The following RIT2 variants were observed in gnomAD, a reference collection of about 807,000 sequenced individuals.
RIT2 encodes Ras like without CAAX 2.
In RIT2, 24 loss-of-function variants were observed where a neutral mutation model predicts 23.7. That is an observed-to-expected ratio of 1.01 (90% CI 0.73 to 1.43). RIT2 has a LOEUF of 1.43. Among genes scored for constraint, RIT2 ranks in the 40% most tolerant of loss-of-function variants. The probability of loss-of-function intolerance (pLI) is 0.00; values close to 1 mark genes in which losing one functional copy is unlikely to be tolerated. For missense variants in RIT2, 236 were observed against 266.9 expected (o/e 0.88, Z 0.81); for synonymous variants, 107 against 91.1 (o/e 1.17, Z -0.99).
At chr18:42,857,502 C>T (rs897757776) in intron 4 of RIT2, among the ~76,000 whole-genome samples, 3 of 152,136 alleles carry the variant, frequency 2.0e-5, no homozygotes, top group Non-Finnish European at 4.4e-5. Context: ...TAATTGGATA[C>T]ACAAACAATT....
intron 4 of RIT2, among the ~76,000 whole-genome samples, chr18:42,902,984 G>C (rs1308399038): frequency 2.0e-5 from 3 of 151,720 alleles, no homozygotes; most frequent in Non-Finnish European, 4.4e-5. Context: ...TAAAATGACA[G>C]AAGATGAAGG....
chr18:42,889,649 G>A (rs1362196064), intron 4 of RIT2, among the ~76,000 whole-genome samples: 1 of 151,862 alleles, frequency 6.6e-6, no homozygotes, highest in Non-Finnish European at 1.5e-5. Flanking sequence ...ATGCCTTAAA[G>A]CTAAGGAGAA....
chr18:42,978,547 A>G (rs1053458273), intron 2 of RIT2, among the ~76,000 whole-genome samples: 6 of 152,082 alleles, frequency 3.9e-5, no homozygotes, highest in Admixed American at 3.9e-4. Flanking sequence ...TATAGACCCA[A>G]TCCTGAAGTG....
In RIT2 at chr18:42,803,250, T is replaced by C. The variant is rs542348146; in HGVS notation, c.427-59530A>G. On this transcript the variant is annotated intron_variant, in intron 4 of 4. Coordinates refer to ENST00000326695, the MANE Select transcript of RIT2 (RefSeq NM_002930.4). ...GCTTCTTTTGTTAAATTAAACTGAA[T>C]ATGCCAAATTTTCTCAGTCTCATAT... 5.3e-5 allele frequency among the ~76,000 whole-genome samples: 8 copies of C among 152,350 alleles called. No homozygotes were observed. In the South Asian group the frequency reaches 1.7e-3, roughly 32 times the overall value.
At chr18:43,051,847 G>A (rs1362556701) in intron 1 of RIT2, among the ~76,000 whole-genome samples, 1 of 152,044 alleles carries the variant, frequency 6.6e-6, no homozygotes, top group Non-Finnish European at 1.5e-5. Flanking sequence ...AACTTGTTAT[G>A]GAGACCTCTC....
chr18:43,006,293 A>T (rs1397920321), intron 2 of RIT2, among the ~76,000 whole-genome samples: 1 of 151,634 alleles, frequency 6.6e-6, no homozygotes, highest in East Asian at 1.9e-4. Flanking sequence ...AATATAAGTA[A>T]GTAGAAGAAG....
chr18:42,966,060 T>C (rs1024073615), intron 3 of RIT2, among the ~76,000 whole-genome samples: 1 of 152,126 alleles, frequency 6.6e-6, no homozygotes, highest in African/African-American at 2.4e-5. Context: ...TCTTTATTAG[T>C]AAACTGAAGA....
intron 4 of RIT2, among the ~76,000 whole-genome samples, chr18:42,880,804 CTTTTTTTT>C (rs397966126): frequency 9.5e-5 from 11 of 115,558 alleles, no homozygotes; most frequent in African/African-American, 3.8e-4. Context: ...CTTCCTACCT[CTTTTTTTT>C]TTTTTTTTTT....
Position 43,061,759 on chromosome 18 carries a change from C to T in RIT2, c.104-27892G>A, listed in dbSNP as rs1250375108. ...CAGAAGGAAACCCACTTTCAGGTTC[C>T]CTCTCCCTGCTGAGAGCTAGCTTTC... On this transcript the variant is annotated intron_variant, in intron 1 of 4. Transcript: ENST00000326695. Among the ~76,000 whole-genome samples, 4 of 152,178 alleles carry T rather than the reference C, an allele frequency of 2.6e-5. No homozygotes were observed. The East Asian group carries it at 7.7e-4, about 29-fold the overall frequency.
chr18:42,986,911 T>C (rs1910722543), intron 2 of RIT2, among the ~76,000 whole-genome samples: 2 of 152,304 alleles, frequency 1.3e-5, no homozygotes, highest in South Asian at 2.1e-4. Context: ...AAAACAATGA[T>C]AATGATACAA....
At chr18:43,071,480 G>A (rs1212709895) in intron 1 of RIT2, among the ~76,000 whole-genome samples, 1 of 152,126 alleles carries the variant, frequency 6.6e-6, no homozygotes, top group Admixed American at 6.5e-5. Flanking sequence ...CTGATTGACA[G>A]TTGGCATTTT....
At chr18:43,109,970 C>G (rs1268725128) in intron 1 of RIT2, among the ~76,000 whole-genome samples, 1 of 152,068 alleles carries the variant, frequency 6.6e-6, no homozygotes. Flanking sequence ...ATGTAGAAAG[C>G]CTGTGTTCAT....
chr18:42,875,257 T>C (rs1341857285), intron 4 of RIT2, among the ~76,000 whole-genome samples: 1 of 152,012 alleles, frequency 6.6e-6, no homozygotes, highest in Non-Finnish European at 1.5e-5. Flanking sequence ...TCATTTTGTT[T>C]CAAATTTTGA....
At chr18:42,921,118 C>G (rs113408639) in intron 4 of RIT2, among the ~76,000 whole-genome samples, 229 of 152,180 alleles carry the variant, frequency 1.5e-3, no homozygotes, top group African/African-American at 5.2e-3. Flanking sequence ...AAATGCTTGG[C>G]TTACAAATAC....
At chr18:42,923,889 G>T in intron 3 of RIT2, 126 bp from the exon 4 acceptor site, 1 of 751,352 alleles carries the variant, frequency 1.3e-6, no homozygotes, top group Non-Finnish European at 2.0e-6. Context: ...TTTAATCATA[G>T]GAGATTTCAT....
intron 4 of RIT2, among the ~76,000 whole-genome samples, chr18:42,829,961 T>C (rs2144006630): frequency 6.6e-6 from 1 of 152,078 alleles, no homozygotes; most frequent in Non-Finnish European, 1.5e-5. Context: ...TAAAGAGGAT[T>C]GAGGAAAGCT....
chr18:42,808,767 T>C (rs1905757958), intron 4 of RIT2, among the ~76,000 whole-genome samples: 1 of 152,124 alleles, frequency 6.6e-6, no homozygotes, highest in African/African-American at 2.4e-5. Flanking sequence ...ATCAACTGTG[T>C]GGAAAAATTC....
intron 1 of RIT2, among the ~76,000 whole-genome samples, chr18:43,070,748 A>C (rs903822433): frequency 6.6e-6 from 1 of 152,230 alleles, no homozygotes; most frequent in Non-Finnish European, 1.5e-5. Context: ...GAAAATTACC[A>C]GAGCAACCAT....
intron 2 of RIT2, among the ~76,000 whole-genome samples, chr18:43,019,205 C>T (rs4890245): frequency 0.2 from 30,187 of 151,372 alleles, 3,359 homozygotes; most frequent in African/African-American, 0.27. Flanking sequence ...GAAAAAAATA[C>T]CCCAAGCATA....
Sources: allele counts gnomAD v4.1 joint callset (sites outside exome capture counted in the v4.1 genomes callset), GRCh38; gene constraint gnomAD v4.1.1; transcripts MANE v1.5; gene names NCBI Gene and HGNC (gene_info 2026-07-23, HGNC 2026-07-21).